Variants in ADAT2 observed in about 807,000 individuals in gnomAD.
ADAT2 encodes tRNA-specific adenosine-34 deaminase catalytic subunit ADAT2.
A neutral mutation model predicts 25.9 loss-of-function variants in ADAT2; 26 were observed. The observed-to-expected ratio is 1.00, with a 90% CI of 0.74 to 1.39. The LOEUF is 1.39. Among genes scored for constraint, ADAT2 ranks in the 40% most tolerant of loss-of-function variants. The pLI is 0.00. For missense variants in ADAT2, 220 were observed against 244.8 expected (o/e 0.90, Z 0.68); for synonymous variants, 76 against 86.8 (o/e 0.88, Z 0.69).
chr6:143,424,696 G>C lies in ADAT2; in HGVS notation c.*3767C>G, dbSNP rs556536879. On this transcript the variant is annotated 3_prime_UTR_variant, in exon 6 of 6. Transcript: ENST00000237283. This position sits in a 1 kb window ranked among gnomAD's most constrained non-coding sequence, Gnocchi z 4.8. ...GAATTTATTTCTCAGGCTTAATTTTGATGCTTATTAAGATATCACTATTTA... is the reference window on the plus strand; with the variant it reads ...GAATTTATTTCTCAGGCTTAATTTTCATGCTTATTAAGATATCACTATTTA... The C allele has an allele frequency of 1.7e-4, 26 of 152,262 alleles. No homozygotes were observed. Among genetic ancestry groups the C allele is most frequent in the African/African-American group, 6.0e-4 (25 of 41,540 alleles). 9.4% of individuals were successfully genotyped at this position (152,262 alleles called of 1,614,324 possible).
At chr6:143,443,867 C>T (rs1779527310) in intron 1 of ADAT2, among the ~76,000 whole-genome samples, 1 of 150,790 alleles carries the variant, frequency 6.6e-6, no homozygotes, top group Non-Finnish European at 1.5e-5. Context: ...ACAAAAACGG[C>T]AAGAGAATAA....
In ADAT2 at chr6:143,436,700, T is replaced by G. The variant is rs550501226; in HGVS notation, c.201+1890A>C. On this transcript the variant is annotated intron_variant, in intron 2 of 5. Transcript: ENST00000237283. The surrounding 1 kb of genome is among the most constrained non-coding windows in gnomAD (Gnocchi z 4.1). The stretch of plus-strand genomic sequence containing the variant: ...GAGTCTGAGGAGTGGACTGAGGAAA[T>G]GGGGGCGTAGAGCCTTCTGTTACTG... 2 of 249,024 alleles carry G rather than the reference T, an allele frequency of 8.0e-6. No individual in the cohort carries two copies. The highest frequency in any genetic ancestry group is 1.1e-4 in the South Asian group (2 of 17,872). The allele number at this position is 249,024 out of a possible 1,614,324, so 15.4% of individuals were successfully genotyped here.
rs1297125995 is a variant in ADAT2, at chr6:143,438,666, A to G, written c.125T>C (p.Val42Ala). 1.9e-6 allele frequency: 3 copies of G among 1,613,434 alleles called. No individual in the cohort carries two copies. Among genetic ancestry groups the G allele is most frequent in the Non-Finnish European group, 2.5e-6 (3 of 1,179,548 alleles). ...MAKEALENTE[V>A]PVGCLMVYNN... ...GTAGACCATAAGACAGCCAACAGGAACTTCAGTATTTTCGAGGGCTTCTTT... is the reference window on the plus strand; with the variant it reads ...GTAGACCATAAGACAGCCAACAGGAGCTTCAGTATTTTCGAGGGCTTCTTT... The change falls in exon 2 of 6, where the codon GTT becomes GCT. Residue 42 changes from valine (V) to alanine (A), a missense_variant. Physicochemically the swap from Val to Ala is moderately conservative, Grantham distance 64. Transcript: ENST00000237283.
At chr6:143,429,726 G>GT (rs910690458) in intron 4 of ADAT2, among the ~76,000 whole-genome samples, 19 of 152,190 alleles carry the variant, frequency 1.2e-4, no homozygotes, top group African/African-American at 4.3e-4. Flanking sequence ...AGTGCATGAA[G>GT]TGACACAATG....
rs546271740 is a variant in ADAT2 at position 143,436,577 on chromosome 6, G to A, written c.201+2013C>T. On this transcript the variant is annotated intron_variant, in intron 2 of 5. Transcript: ENST00000237283. This position sits in a 1 kb window ranked among gnomAD's most constrained non-coding sequence, Gnocchi z 4.1. Reference sequence around the variant, plus strand: ...TTCCTGCACTGGTACATGGGCGAGGGCAAGAATGAGATGGAATTCACTGGG... The same window carrying A: ...TTCCTGCACTGGTACATGGGCGAGGACAAGAATGAGATGGAATTCACTGGG... 1.2e-4 allele frequency: 48 copies of A among 411,670 alleles called. No individual in the cohort carries two copies. Among genetic ancestry groups the A allele is most frequent in the African/African-American group, 8.6e-4 (41 of 47,820 alleles). The allele number at this position is 411,670 out of a possible 1,614,324, so 25.5% of individuals were successfully genotyped here.
rs1188813822 is a variant in ADAT2 at position 143,426,520 on chromosome 6, C to G, written c.*1943G>C. 6.6e-6 allele frequency: 1 copy of G among 152,308 alleles called. No individual in the cohort carries two copies. The highest frequency in any genetic ancestry group is 1.9e-4 in the East Asian group (1 of 5,188). 9.4% of individuals were successfully genotyped at this position (152,308 alleles called of 1,614,324 possible). The stretch of plus-strand genomic sequence containing the variant: ...GATGGTAAACCACAATTAAATTGTT[C>G]AGCTATGCTTCAGAATCAGGAAACA... On this transcript the variant is annotated 3_prime_UTR_variant, in exon 6 of 6. Coordinates refer to ENST00000237283, the MANE Select transcript of ADAT2 (RefSeq NM_182503.3). The surrounding 1 kb of genome is among the most constrained non-coding windows in gnomAD (Gnocchi z 4.1).
Position 143,444,871 on chromosome 6 carries a change from T to C in ADAT2, c.96+5692A>G, listed in dbSNP as rs1035984888. The C allele has an allele frequency of 1.1e-5, 13 of 1,182,012 alleles. No individual in the cohort carries two copies. The highest frequency in any genetic ancestry group is 1.3e-5 in the Non-Finnish European group (12 of 891,868). 73.2% of individuals were successfully genotyped at this position (1,182,012 alleles called of 1,614,324 possible). ...TTATTATTTTCTCCAAAGACATTACTACTATAAACTGCTTTCTAGTGATGT... is the reference window on the plus strand; with the variant it reads ...TTATTATTTTCTCCAAAGACATTACCACTATAAACTGCTTTCTAGTGATGT... On this transcript the variant is annotated intron_variant, in intron 1 of 5. Transcript: ENST00000237283. This position sits in a 1 kb window ranked among gnomAD's most constrained non-coding sequence, Gnocchi z 4.3.
chr6:143,432,500 ATTACCTGAAATGGTCT>A lies in ADAT2; in HGVS notation c.448_459+4del. The A allele has an allele frequency of 6.2e-7, 1 of 1,612,182 alleles. No individual in the cohort carries two copies. Among genetic ancestry groups the A allele is most frequent in the Non-Finnish European group, 8.5e-7 (1 of 1,178,192 alleles). Reference sequence around the variant, plus strand: ...GAAAGAAAAAGCATAAGCAGTTTGTATTACCTGAAATGGTCTCCCAGTGTTTGGTAGGTCAGCAGAG... The same window carrying A: ...GAAAGAAAAAGCATAAGCAGTTTGTACCCAGTGTTTGGTAGGTCAGCAGAG... On this transcript the variant is annotated splice_donor_variant and splice_donor_region_variant and coding_sequence_variant and intron_variant, in exon 4 of 6. Transcript: ENST00000237283. LOFTEE classifies it high-confidence loss of function. This position sits in a 1 kb window ranked among gnomAD's most constrained non-coding sequence, Gnocchi z 4.4.
intron 1 of ADAT2, among the ~76,000 whole-genome samples, chr6:143,439,543 G>A (rs1489616026): frequency 3.9e-5 from 6 of 152,178 alleles, no homozygotes; most frequent in Non-Finnish European, 8.8e-5. Context: ...CAACATGGAT[G>A]AGCCTCATAG....
rs1314959768 is a variant in ADAT2 at position 143,436,236 on chromosome 6, A to C, written c.202-2255T>G. On this transcript the variant is annotated intron_variant, in intron 2 of 5. Coordinates refer to ENST00000237283, the MANE Select transcript of ADAT2 (RefSeq NM_182503.3). The surrounding 1 kb of genome is among the most constrained non-coding windows in gnomAD (Gnocchi z 4.1). ...CAAAGAAGGCCCTGACAGTGGCTGA[A>C]CTCCCCCAGCAGATGTCTGATGCTA... 1 of 215,758 alleles carries C rather than the reference A, an allele frequency of 4.6e-6. No homozygotes were observed. Among genetic ancestry groups the C allele is most frequent in the Non-Finnish European group, 9.9e-6 (1 of 101,426 alleles). 13.4% of individuals were successfully genotyped at this position (215,758 alleles called of 1,614,324 possible). A position where few individuals can be genotyped will look rare whatever the true frequency, so the allele number is the denominator to read the frequency against.
intron 1 of ADAT2, among the ~76,000 whole-genome samples, chr6:143,439,800 G>A (rs942732743): frequency 2.0e-5 from 3 of 152,070 alleles, no homozygotes; most frequent in African/African-American, 7.2e-5. Context: ...ACAGATTGAA[G>A]GATACATTTA....
Position 143,446,079 on chromosome 6 carries a change from CAA to C in ADAT2, c.96+4482_96+4483del, listed in dbSNP as rs768380845. Among the ~76,000 whole-genome samples, 26 of 138,080 alleles carry C rather than the reference CAA, an allele frequency of 1.9e-4. No individual in the cohort carries two copies. The highest frequency in any genetic ancestry group is 1.5e-4 in the Admixed American group (2 of 13,738). 90.6% of individuals were successfully genotyped at this position (138,080 alleles called of 152,430 possible). ...ATTAAAAAAAAAAAACCTCATGTATCAAAAAAAAAAAACCCACTAAGAATCCC... is the reference window on the plus strand; with the variant it reads ...ATTAAAAAAAAAAAACCTCATGTATCAAAAAAAAAACCCACTAAGAATCCC... On this transcript the variant is annotated intron_variant, in intron 1 of 5. Transcript: ENST00000237283. The surrounding 1 kb of genome is among the most constrained non-coding windows in gnomAD (Gnocchi z 5.0).
In ADAT2 at chr6:143,438,650, A is replaced by T; in HGVS notation, c.141T>A (p.Leu47=). 3.7e-6 allele frequency: 6 copies of T among 1,613,476 alleles called. No individual in the cohort carries two copies. Among genetic ancestry groups the T allele is most frequent in the Non-Finnish European group, 5.1e-6 (6 of 1,179,518 alleles). Residue 47 remains leucine, a synonymous_variant, in exon 2 of 6, where the codon CTT becomes CTA. Coordinates refer to ENST00000237283, the MANE Select transcript of ADAT2 (RefSeq NM_182503.3). ...LENTEVPVGC[L]MVYNNEVVGK... The stretch of plus-strand genomic sequence containing the variant: ...CTACAACTTCATTGTTGTAGACCAT[A>T]AGACAGCCAACAGGAACTTCAGTAT...
Position 143,450,671 on chromosome 6 carries a change from C to T in ADAT2, c.-13G>A, listed in dbSNP as rs1269909265. ...CCTTCGCCTCCATACCCAGCCACCA[C>T]TCAGCTACAGAGCCCGCGGCAGAGG... On this transcript the variant is annotated 5_prime_UTR_variant, in exon 1 of 6. It adds an upstream start codon to the 5' untranslated region. Transcript: ENST00000237283. 1.2e-6 allele frequency: 2 copies of T among 1,612,624 alleles called. No individual in the cohort carries two copies. Among genetic ancestry groups the T allele is most frequent in the South Asian group, 1.1e-5 (1 of 91,068 alleles).
At chr6:143,447,104 A>G (rs1779622013) in intron 1 of ADAT2, among the ~76,000 whole-genome samples, 1 of 152,218 alleles carries the variant, frequency 6.6e-6, no homozygotes, top group African/African-American at 2.4e-5. Context: ...ATGCTATCCA[A>G]CAGATCCTTT....
rs1000044745 is a variant in ADAT2 at position 143,426,209 on chromosome 6, A to G, written c.*2254T>C. On this transcript the variant is annotated 3_prime_UTR_variant, in exon 6 of 6. Coordinates refer to ENST00000237283, the MANE Select transcript of ADAT2 (RefSeq NM_182503.3). This position sits in a 1 kb window ranked among gnomAD's most constrained non-coding sequence, Gnocchi z 4.1. ...TCAATCAATGGAATTCAAGCTGTTGAACTAGGACATCTTAATATTTTAACC... is the reference window on the plus strand; with the variant it reads ...TCAATCAATGGAATTCAAGCTGTTGGACTAGGACATCTTAATATTTTAACC... 1 of 152,232 alleles carries G rather than the reference A, an allele frequency of 6.6e-6. No homozygotes were observed. The highest frequency in any genetic ancestry group is 1.5e-5 in the Non-Finnish European group (1 of 68,050). The allele number at this position is 152,232 out of a possible 1,614,324, so 9.4% of individuals were successfully genotyped here.
intron 1 of ADAT2, among the ~76,000 whole-genome samples, chr6:143,447,541 C>T (rs571901950): frequency 6.6e-6 from 1 of 152,250 alleles, no homozygotes; most frequent in East Asian, 1.9e-4. Context: ...TCCCAAAATA[C>T]TAATAGTATT....
At chr6:143,441,759 A>G (rs1417153601) in intron 1 of ADAT2, 2 of 152,204 alleles carry the variant, frequency 1.3e-5, no homozygotes, top group African/African-American at 4.8e-5. Context: ...ACATTTCACC[A>G]AAGAAGATAA....
chr6:143,432,512 G>A lies in ADAT2; in HGVS notation c.452C>T (p.Pro151Leu). 6.2e-7 allele frequency: 1 copy of A among 1,613,652 alleles called. No individual in the cohort carries two copies. The highest frequency in any genetic ancestry group is 8.5e-7 in the Non-Finnish European group (1 of 1,179,534). The change falls in exon 4 of 6, where the codon CCA becomes CTA. Residue 151 changes from proline to leucine, a missense_variant. Coordinates refer to ENST00000237283, the MANE Select transcript of ADAT2 (RefSeq NM_182503.3). The surrounding 1 kb of genome is among the most constrained non-coding windows in gnomAD (Gnocchi z 4.4). Reference sequence around the variant, plus strand: ...ATAAGCAGTTTGTATTACCTGAAATGGTCTCCCAGTGTTTGGTAGGTCAGC... The same window carrying A: ...ATAAGCAGTTTGTATTACCTGAAATAGTCTCCCAGTGTTTGGTAGGTCAGC... ...ASADLPNTGR[P>L]FQCIPGYRAE...
Sources: gnomAD v4.1 joint callset for allele counts (sites outside exome capture counted in the v4.1 genomes callset) on GRCh38, gnomAD v4.1.1 for gene constraint, Gnocchi (gnomAD v3.1) non-coding constraint, MANE v1.5 for transcripts, NCBI Gene and HGNC (gene_info 2026-07-23, HGNC 2026-07-21) for gene names.